Variants in CRHR1 observed in about 807,000 individuals in gnomAD.
CRHR1 encodes corticotropin releasing hormone receptor 1.
A neutral mutation model predicts 56.0 loss-of-function variants in CRHR1; 28 were observed. The observed-to-expected ratio is 0.50, with a 90% CI of 0.37 to 0.69. CRHR1 has a LOEUF of 0.69. CRHR1 is among the 30% of genes least tolerant of loss of function. CRHR1 has a pLI of 0.00. For missense variants in CRHR1, 376 were observed against 548.0 expected, an observed-to-expected ratio of 0.69 and a Z score of 3.13; for synonymous variants, 195 against 216.5, an observed-to-expected ratio of 0.90 and a Z score of 0.87.
At chr17:45,786,758 A>G (rs533136858) in intron 1 of CRHR1, among the ~76,000 whole-genome samples, 1 of 145,160 alleles carries the variant, frequency 6.9e-6, no homozygotes, top group East Asian at 2.1e-4. Flanking sequence ...CTCCCACCCC[A>G]GCCTCCAGAA....
chr17:45,792,988 A>G (rs2061453355), intron 1 of CRHR1, among the ~76,000 whole-genome samples: 1 of 152,282 alleles, frequency 6.6e-6, no homozygotes, highest in Admixed American at 6.5e-5. Flanking sequence ...CTGTGCACAC[A>G]GTAGGTGCAC....
chr17:45,815,746 G>A (rs1291380825), intron 2 of CRHR1, among the ~76,000 whole-genome samples: 1 of 152,180 alleles, frequency 6.6e-6, no homozygotes. Flanking sequence ...GCAAATTAGT[G>A]GCACAGCCCA....
At chr17:45,793,621 G>T (rs2061466285) in intron 1 of CRHR1, among the ~76,000 whole-genome samples, 1 of 152,156 alleles carries the variant, frequency 6.6e-6, no homozygotes, top group East Asian at 1.9e-4. Flanking sequence ...GTGCAGCCTG[G>T]GGCGTCTTTT....
chr17:45,815,667 G>T (rs141625471), intron 2 of CRHR1, among the ~76,000 whole-genome samples: 1 of 152,318 alleles, frequency 6.6e-6, no homozygotes, highest in African/African-American at 2.4e-5. Context: ...TCAACCACTT[G>T]ATTTTATTAT....
intron 1 of CRHR1, among the ~76,000 whole-genome samples, chr17:45,795,084 C>G (rs1042003065): frequency 2.0e-5 from 3 of 152,124 alleles, no homozygotes; most frequent in Non-Finnish European, 4.4e-5. Context: ...AGGGCCAGGA[C>G]AGAGTGAGTC....
rs200449755 is a variant in CRHR1, at chr17:45,833,447, T to C, written c.844-5T>C. Reference sequence around the variant, plus strand: ...CTCCGGCCCGCTGGTGTGCTCAAATTGCAGATCAATTTCATCTTCCTTTTC... The same window carrying C: ...CTCCGGCCCGCTGGTGTGCTCAAATCGCAGATCAATTTCATCTTCCTTTTC... On this transcript the variant is annotated splice_region_variant and splice_polypyrimidine_tract_variant and intron_variant, in intron 9 of 12. Transcript: ENST00000314537. 12 of 1,613,852 alleles carry C rather than the reference T, an allele frequency of 7.4e-6. No homozygotes were observed. The African/African-American group carries it at 1.1e-4, about 14-fold the overall frequency.
intron 1 of CRHR1, among the ~76,000 whole-genome samples, chr17:45,794,879 C>CT (rs1254797799): frequency 6.6e-6 from 1 of 152,262 alleles, no homozygotes; most frequent in Non-Finnish European, 1.5e-5. Context: ...CCTCCTGCCT[C>CT]TGAGGTGCCG....
At chr17:45,823,543 G>A (rs1295905542) in intron 4 of CRHR1, among the ~76,000 whole-genome samples, 2 of 151,620 alleles carry the variant, frequency 1.3e-5, no homozygotes, top group Non-Finnish European at 2.9e-5. Flanking sequence ...GAGTAGCTGC[G>A]ATTACAGGAA....
intron 3 of CRHR1, among the ~76,000 whole-genome samples, chr17:45,820,921 C>T (rs1598432787): frequency 6.6e-6 from 1 of 152,350 alleles, no homozygotes; most frequent in Middle Eastern, 3.4e-3. Context: ...ACCCTTCCAC[C>T]GTGTCATGCC....
intron 2 of CRHR1, among the ~76,000 whole-genome samples, chr17:45,814,812 C>T (rs1384996755): frequency 6.6e-6 from 1 of 152,268 alleles, no homozygotes; most frequent in Non-Finnish European, 1.5e-5. Flanking sequence ...GGGCTTGGCC[C>T]ACTCCAGCCG....
intron 1 of CRHR1, among the ~76,000 whole-genome samples, chr17:45,798,767 G>A (rs1453575858): frequency 1.3e-5 from 2 of 152,154 alleles, no homozygotes; most frequent in African/African-American, 4.8e-5. Context: ...GGCACCCTGA[G>A]CCGGGGCCCC....
intron 12 of CRHR1, 142 bp from the exon 13 acceptor site, chr17:45,834,482 A>T (rs1393814366): frequency 2.3e-6 from 2 of 880,414 alleles, no homozygotes; most frequent in Non-Finnish European, 3.3e-6. Flanking sequence ...TAAGGCTGTG[A>T]GTGTCATCCC....
chr17:45,802,567 C>A (rs1032214651), intron 1 of CRHR1, among the ~76,000 whole-genome samples: 1 of 152,206 alleles, frequency 6.6e-6, no homozygotes, highest in Admixed American at 6.5e-5. Context: ...GAAGCCCTCA[C>A]AAACCTTCCA....
chr17:45,784,607 C>G lies in CRHR1; in HGVS notation c.33+30C>G. Reference sequence around the variant, plus strand: ...CAGCCCGCCGGCCATCCCTCGAGCGCTGGCGCCCCCGGCCCCTGGCGGACG... The same window carrying G: ...CAGCCCGCCGGCCATCCCTCGAGCGGTGGCGCCCCCGGCCCCTGGCGGACG... On this transcript the variant is annotated intron_variant, in intron 1 of 12. Coordinates refer to ENST00000314537, the MANE Select transcript of CRHR1 (RefSeq NM_004382.5). The surrounding 1 kb of genome is among the most constrained non-coding windows in gnomAD (Gnocchi z 4.2). The G allele has an allele frequency of 6.5e-7, 1 of 1,537,180 alleles. No homozygotes were observed. The highest frequency in any genetic ancestry group is 8.8e-7 in the Non-Finnish European group (1 of 1,141,042).
chr17:45,815,157 C>T (rs745331306), intron 2 of CRHR1, among the ~76,000 whole-genome samples: 3 of 152,200 alleles, frequency 2.0e-5, no homozygotes, highest in South Asian at 2.1e-4. Context: ...CCCCCACACG[C>T]GCTGGTTCAT....
intron 1 of CRHR1, among the ~76,000 whole-genome samples, chr17:45,797,964 T>C (rs12942994): frequency 0.16 from 23,752 of 151,898 alleles, 2,835 homozygotes; most frequent in African/African-American, 0.34. Context: ...CTTTTTCCTC[T>C]AGCACATCCT....
At chr17:45,802,280 G>A (rs1286617765) in intron 1 of CRHR1, among the ~76,000 whole-genome samples, 2 of 152,226 alleles carry the variant, frequency 1.3e-5, no homozygotes, top group African/African-American at 2.4e-5. Flanking sequence ...AGCGGAGGTC[G>A]CACCACTGCA....
At chr17:45,787,342 G>C (rs1568025247) in intron 1 of CRHR1, among the ~76,000 whole-genome samples, 1 of 152,332 alleles carries the variant, frequency 6.6e-6, no homozygotes, top group East Asian at 1.9e-4. Context: ...TCTCCTCGTA[G>C]GGAGATGGAG....
chr17:45,796,961 T>G (rs2061528861), intron 1 of CRHR1, among the ~76,000 whole-genome samples: 1 of 152,230 alleles, frequency 6.6e-6, no homozygotes, highest in African/African-American at 2.4e-5. Context: ...AGCAAGTGAA[T>G]GCATGAGAGG....
Sources: allele counts gnomAD v4.1 joint callset (sites outside exome capture counted in the v4.1 genomes callset), GRCh38; gene constraint gnomAD v4.1.1; non-coding constraint Gnocchi (gnomAD v3.1); transcripts MANE v1.5; gene names NCBI Gene and HGNC (gene_info 2026-07-23, HGNC 2026-07-21).